The following ITFG2 variants were observed in gnomAD, a reference collection of about 807,000 sequenced individuals.
The protein encoded by ITFG2 is integrin alpha FG-GAP repeat containing 2.
In ITFG2, 36 loss-of-function variants were observed where a neutral mutation model predicts 54.4. The ratio of observed to expected loss-of-function variants is 0.66; its 90% CI spans 0.51 to 0.87. ITFG2 has a LOEUF of 0.87. ITFG2 is among the 40% of genes least tolerant of loss of function. ITFG2 has a pLI of 0.00. For missense variants in ITFG2, 524 were observed against 576.7 expected, an observed-to-expected ratio of 0.91 and a Z score of 0.94; for synonymous variants, 211 against 225.4, an observed-to-expected ratio of 0.94 and a Z score of 0.57.
Position 2,821,694 on chromosome 12 carries a change from A to G in ITFG2, c.850A>G (p.Thr284Ala). 1 of 1,614,096 alleles carries G rather than the reference A, an allele frequency of 6.2e-7. No homozygotes were observed. The highest frequency in any genetic ancestry group is 8.5e-7 in the Non-Finnish European group (1 of 1,179,976). The change falls in exon 9 of 12, where the codon ACA becomes GCA. Residue 284 changes from threonine (T) to alanine (A), a missense_variant and splice_region_variant. Physicochemically the swap from Thr to Ala is moderately conservative, Grantham distance 58. Transcript: ENST00000228799. ...GLFALCTLDG[T>A]LKLMEEMEEA... ...TCAGCCTGCCTCTCCCCCGGCAGGG[A>G]CACTGAAGCTCATGGAAGAAATGGA... is the stretch of plus-strand genomic sequence containing the variant.
At chr12:2,837,490 A>T (rs2153926809) in intron 1 of ITFG2, among the ~76,000 whole-genome samples, 1 of 151,234 alleles carries the variant, frequency 6.6e-6, no homozygotes, top group South Asian at 2.1e-4. Context: ...AAAAAAAATT[A>T]GCTGGGCATG....
chr12:2,823,421 C>G (rs558460091), intron 10 of ITFG2, among the ~76,000 whole-genome samples: 34 of 152,342 alleles, frequency 2.2e-4, no homozygotes, highest in African/African-American at 7.5e-4. Flanking sequence ...CTAAGAGAAG[C>G]TTTACTTTCT....
intron 3 of ITFG2, chr12:2,858,420 T>C (rs1257347838): frequency 5.6e-5 from 30 of 531,808 alleles, no homozygotes. Flanking sequence ...ACCCTTCAGC[T>C]CCTGGCAGGG....
chr12:2,840,489 A>G (rs1190265086), intron 1 of ITFG2, among the ~76,000 whole-genome samples: 2 of 151,212 alleles, frequency 1.3e-5, no homozygotes, highest in Admixed American at 6.6e-5. Context: ...TTCTTCCCCA[A>G]TTTGTCCATA....
chr12:2,815,931 C>T (rs935645524), intron 1 of ITFG2, among the ~76,000 whole-genome samples: 1 of 152,306 alleles, frequency 6.6e-6, no homozygotes, highest in African/African-American at 2.4e-5. Flanking sequence ...ATGGCACGAT[C>T]ATGGCTCACT....
At chr12:2,842,005 C>G (rs2153927222) in intron 2 of ITFG2, among the ~76,000 whole-genome samples, 1 of 151,718 alleles carries the variant, frequency 6.6e-6, no homozygotes, top group South Asian at 2.1e-4. Context: ...GCATGAACCA[C>G]TGTGTGTGGC....
chr12:2,816,330 CT>C (rs34665036), intron 1 of ITFG2, among the ~76,000 whole-genome samples: 22,783 of 119,922 alleles, frequency 0.19, 1,314 homozygotes, highest in East Asian at 0.38. Flanking sequence ...CGCACACAGC[CT>C]TTTTTTTTTT....
chr12:2,859,503 G>T (rs375005500), intron 3 of ITFG2: 2 of 1,613,952 alleles, frequency 1.2e-6, no homozygotes, highest in Non-Finnish European at 1.7e-6. Flanking sequence ...CACTTTGATG[G>T]GTCTCGCTAA....
rs1418904966 is a variant in ITFG2, at chr12:2,855,103, A to T, written n.301-2909A>T. On this transcript the variant is annotated intron_variant and non_coding_transcript_variant, in intron 2 of 3. Transcript: ENST00000537710. ...TTGCCCCATCCAGGAGGGAGGGGGG[A>T]TGGGGTGCTCCGTGGGGGGGCATCT... The T allele has an allele frequency of 3.9e-6, 6 of 1,534,292 alleles. No individual in the cohort carries two copies. The Admixed American group carries it at 7.9e-5, about 20-fold the overall frequency.
At chr12:2,823,630 G>A in intron 10 of ITFG2, 140 bp from the exon 11 acceptor site, 2 of 1,062,702 alleles carry the variant, frequency 1.9e-6, no homozygotes, top group South Asian at 4.3e-5. Context: ...TCCCAACAGA[G>A]AAGAAATAAC....
chr12:2,813,738 TC>T (rs1183005594), intron 1 of ITFG2, among the ~76,000 whole-genome samples: 2 of 152,186 alleles, frequency 1.3e-5, no homozygotes, highest in African/African-American at 4.8e-5. Context: ...GCTTCACAGT[TC>T]CTTAACTGTC....
chr12:2,823,843 G>C lies in ITFG2; in HGVS notation c.1140G>C (p.Val380=), dbSNP rs546409374. The change falls in exon 11 of 12, where the codon GTG becomes GTC. Residue 380 remains valine, a synonymous_variant. Coordinates refer to ENST00000228799, the MANE Select transcript of ITFG2 (RefSeq NM_018463.4). ...VYVTFNQKIY[V]YWEVQLERME... ...TCACTTTCAACCAGAAGATCTATGT[G>C]TACTGGGAGGTGCAGCTGGAGCGGA... 1.2e-6 allele frequency: 2 copies of C among 1,612,428 alleles called. No homozygotes were observed. Among genetic ancestry groups the C allele is most frequent in the African/African-American group, 2.7e-5 (2 of 74,890 alleles).
At chr12:2,827,256 G>A (rs544417446), downstream of ITFG2, 218 of 1,613,934 alleles carry the variant, frequency 1.4e-4, no homozygotes, top group Non-Finnish European at 1.7e-4. This position sits in a 1 kb window ranked among gnomAD's most constrained non-coding sequence, Gnocchi z 4.0. Context: ...CTCTGAGAAC[G>A]GGGCTTTCAG....
intron 1 of ITFG2, among the ~76,000 whole-genome samples, chr12:2,816,068 G>T (rs1603482434): frequency 1.4e-5 from 2 of 144,766 alleles, no homozygotes; most frequent in East Asian, 2.0e-4. Context: ...GTCTCGCTCT[G>T]TCATCAGGCT....
chr12:2,858,916 A>G (rs376414243), intron 3 of ITFG2: 1 of 1,613,756 alleles, frequency 6.2e-7, no homozygotes, highest in African/African-American at 1.3e-5. Flanking sequence ...CTTTGCGGTG[A>G]TTCAAGGGGG....
chr12:2,833,883 A>G (rs1424887379), upstream of ITFG2, among the ~76,000 whole-genome samples: 5 of 152,242 alleles, frequency 3.3e-5, no homozygotes, highest in Admixed American at 2.6e-4. Flanking sequence ...CGTAAAGTCA[A>G]TTGCACAAGT....
intron 2 of ITFG2, among the ~76,000 whole-genome samples, chr12:2,854,198 T>C (rs964305223): frequency 1.3e-5 from 2 of 151,988 alleles, no homozygotes; most frequent in African/African-American, 2.4e-5. Context: ...GCTAATTTTG[T>C]ATTTTTAGTA....
intron 2 of ITFG2, chr12:2,849,148 G>A: frequency 1.4e-6 from 2 of 1,394,730 alleles, no homozygotes; most frequent in Non-Finnish European, 1.9e-6. Context: ...TGCTACCCCA[G>A]GGCCTCTTGC....
intron 1 of ITFG2, among the ~76,000 whole-genome samples, chr12:2,838,877 C>CT (rs1341088956): frequency 6.6e-6 from 1 of 152,176 alleles, no homozygotes; most frequent in African/African-American, 2.4e-5. Flanking sequence ...GTAGACACCA[C>CT]TTTGCTGTGA....
Sources: gnomAD v4.1 joint callset for allele counts (sites outside exome capture counted in the v4.1 genomes callset) on GRCh38, gnomAD v4.1.1 for gene constraint, Gnocchi (gnomAD v3.1) non-coding constraint, MANE v1.5 for transcripts, NCBI Gene and HGNC (gene_info 2026-07-23, HGNC 2026-07-21) for gene names.